Variants in SCLT1 observed in about 807,000 individuals in gnomAD.
The protein encoded by SCLT1 is sodium channel-associated protein 1.
In SCLT1, 78 loss-of-function variants were observed where a neutral mutation model predicts 112.8. The ratio of observed to expected loss-of-function variants is 0.69; its 90% CI spans 0.58 to 0.83. The LOEUF is 0.83. Ranked by LOEUF, SCLT1 falls within the 40% of genes least tolerant of loss-of-function variation. The probability of loss-of-function intolerance (pLI) is 0.00; values close to 1 mark genes in which losing one functional copy is unlikely to be tolerated. For synonymous variants in SCLT1, 257 were observed against 254.7 expected, an observed-to-expected ratio of 1.01 and a Z score of -0.09; for missense variants, 747 against 770.4, an observed-to-expected ratio of 0.97 and a Z score of 0.36.
Position 129,000,958 on chromosome 4 carries a change from AAC to A in SCLT1, c.427-1166_427-1165del, listed in dbSNP as rs1361306290. On this transcript the variant is annotated intron_variant, in intron 6 of 20. Transcript: ENST00000281142. The stretch of plus-strand genomic sequence containing the variant: ...GTTTTGTCTAAAACTTAAAAAAAAA[AAC>A]AAAAACTGTAGGCTAATTAAAAATT... 3.7e-3 allele frequency among the ~76,000 whole-genome samples: 559 copies of A among 152,008 alleles called. 1 individual carries two copies. Among genetic ancestry groups the A allele is most frequent in the African/African-American group, 0.011 (465 of 41,516 alleles).
chr4:128,982,449 C>A (rs1192427221), intron 9 of SCLT1, among the ~76,000 whole-genome samples: 1 of 152,254 alleles, frequency 6.6e-6, no homozygotes, highest in East Asian at 1.9e-4. Flanking sequence ...TTATAGGCTC[C>A]TTACATGAAT....
chr4:128,882,179 C>T (rs903604444), downstream of SCLT1, among the ~76,000 whole-genome samples: 6 of 152,030 alleles, frequency 3.9e-5, no homozygotes, highest in Non-Finnish European at 7.4e-5. Context: ...ACATAAAATT[C>T]TAACATCCCT....
intron 18 of SCLT1, among the ~76,000 whole-genome samples, chr4:128,918,029 C>A (rs1025868653): frequency 6.6e-6 from 1 of 152,144 alleles, no homozygotes; most frequent in Non-Finnish European, 1.5e-5. Context: ...TGGCCACAGA[C>A]CACAGATACA....
rs73847354 is a variant in SCLT1, at chr4:129,000,344, T to G, written c.427-550A>C. Among the ~76,000 whole-genome samples the G allele has an allele frequency of 1.3e-5, 2 of 152,012 alleles. 1 individual carries two copies. The highest frequency in any genetic ancestry group is 6.3e-3 in the Middle Eastern group (2 of 316). On this transcript the variant is annotated intron_variant, in intron 6 of 20. Coordinates refer to ENST00000281142, the MANE Select transcript of SCLT1 (RefSeq NM_144643.4). Reference sequence around the variant, plus strand: ...TGATTCTGGGTGAGAATTTTGTAATTATTTTAACAAAATTAGGGACAATAT... The same window carrying G: ...TGATTCTGGGTGAGAATTTTGTAATGATTTTAACAAAATTAGGGACAATAT...
intron 5 of SCLT1, among the ~76,000 whole-genome samples, chr4:129,027,983 C>T (rs1746288612): frequency 6.6e-6 from 1 of 152,066 alleles, no homozygotes; most frequent in African/African-American, 2.4e-5. Context: ...CGGGAAGGAC[C>T]TCTTCAAGGA....
chr4:129,023,026 A>G (rs1250739175), intron 5 of SCLT1, among the ~76,000 whole-genome samples: 1 of 152,210 alleles, frequency 6.6e-6, no homozygotes, highest in Non-Finnish European at 1.5e-5. Flanking sequence ...TCAACCAAAA[A>G]TTTCATACCC....
intron 18 of SCLT1, among the ~76,000 whole-genome samples, chr4:128,903,946 A>G (rs1259552856): frequency 6.6e-6 from 1 of 152,224 alleles, no homozygotes; most frequent in East Asian, 1.9e-4. Context: ...AAAGTTTCAC[A>G]GTGGTATTAC....
At chr4:129,035,491 T>C (rs974401117) in intron 5 of SCLT1, among the ~76,000 whole-genome samples, 2 of 152,076 alleles carry the variant, frequency 1.3e-5, no homozygotes, top group Non-Finnish European at 1.5e-5. Flanking sequence ...TCATCTTCCC[T>C]GAGCACATTG....
At chr4:129,026,188 C>CAT (rs1746055180) in intron 5 of SCLT1, among the ~76,000 whole-genome samples, 2 of 151,828 alleles carry the variant, frequency 1.3e-5, no homozygotes, top group African/African-American at 2.4e-5. Flanking sequence ...CTCAGCTCTG[C>CAT]ACCAAGCAGA....
intron 12 of SCLT1, among the ~76,000 whole-genome samples, chr4:128,958,701 T>G (rs947397206): frequency 3.3e-5 from 5 of 152,192 alleles, no homozygotes; most frequent in African/African-American, 1.2e-4. Flanking sequence ...GCATATTATG[T>G]CTATTGTGTT....
chr4:128,965,701 TTTC>T (rs1419880811), intron 10 of SCLT1, among the ~76,000 whole-genome samples: 1 of 152,192 alleles, frequency 6.6e-6, no homozygotes, highest in Non-Finnish European at 1.5e-5. Context: ...TCACAGGGTC[TTTC>T]TTCTTTGACA....
chr4:128,959,726 A>G lies in SCLT1; in HGVS notation c.921T>C (p.His307=). 2 of 1,613,510 alleles carry G rather than the reference A, an allele frequency of 1.2e-6. No individual in the cohort carries two copies. Among genetic ancestry groups the G allele is most frequent in the East Asian group, 2.2e-5 (1 of 44,786 alleles). Residue 307 remains histidine, a synonymous_variant, in exon 12 of 21, where the codon CAT becomes CAC. Coordinates refer to ENST00000281142, the MANE Select transcript of SCLT1 (RefSeq NM_144643.4). ...GTAGCTCTCTGGTCTGTTTTTCCAG[A>G]TGTGTATTTTCGGTTCTTAATTGGT... ...EANQLRTENT[H]LEKQTRELQA...
intron 5 of SCLT1, among the ~76,000 whole-genome samples, chr4:129,023,343 C>A (rs745547084): frequency 1.3e-5 from 2 of 152,190 alleles, no homozygotes; most frequent in Non-Finnish European, 2.9e-5. Flanking sequence ...TTTAAACACA[C>A]AGACTGGCAA....
At chr4:128,966,484 G>T (rs1031777713) in intron 10 of SCLT1, among the ~76,000 whole-genome samples, 2 of 152,090 alleles carry the variant, frequency 1.3e-5, no homozygotes, top group African/African-American at 4.8e-5. Context: ...TATTACATCT[G>T]CACACTTTAC....
chr4:129,044,566 C>A (rs1237120031), intron 2 of SCLT1, among the ~76,000 whole-genome samples: 2 of 151,034 alleles, frequency 1.3e-5, no homozygotes, highest in Non-Finnish European at 3.0e-5. Context: ...GGGAATAAAG[C>A]AAACAAAAAA....
intron 5 of SCLT1, 76 bp from the exon 6 acceptor site, chr4:129,003,952 C>A: frequency 1.5e-6 from 2 of 1,320,198 alleles, no homozygotes; most frequent in Non-Finnish European, 2.1e-6. Flanking sequence ...GTCAATTAAA[C>A]ATTTGGGTCA....
chr4:129,005,322 T>C (rs1339633498), intron 5 of SCLT1, among the ~76,000 whole-genome samples: 1 of 152,164 alleles, frequency 6.6e-6, no homozygotes, highest in East Asian at 1.9e-4. Context: ...ATAGTAAAAT[T>C]AATATTTAGT....
chr4:128,948,334 G>GAAAAA (rs1560878744), intron 15 of SCLT1, among the ~76,000 whole-genome samples, 162 bp downstream of exon 15: 7 of 35,844 alleles, frequency 2.0e-4, no homozygotes, highest in Admixed American at 4.3e-4. Context: ...AGACTCCATT[G>GAAAAA]CAAAAAAAAA....
intron 10 of SCLT1, among the ~76,000 whole-genome samples, chr4:128,968,141 A>T (rs1485455892): frequency 6.6e-6 from 1 of 152,168 alleles, no homozygotes; most frequent in Admixed American, 6.5e-5. Flanking sequence ...GGAAGTTTTC[A>T]GCCATTATTT....
Sources: gnomAD v4.1 joint callset for allele counts (sites outside exome capture counted in the v4.1 genomes callset) on GRCh38, gnomAD v4.1.1 for gene constraint, MANE v1.5 for transcripts, NCBI Gene and HGNC (gene_info 2026-07-23, HGNC 2026-07-21) for gene names.